The following FST variants were observed in gnomAD, a reference collection of about 807,000 sequenced individuals.
The protein encoded by FST is follistatin.
Under a neutral mutation model 38.4 loss-of-function variants are expected in FST, and 6 were observed. The observed-to-expected ratio is 0.16, with a 90% confidence interval of 0.09 to 0.31. The LOEUF (loss-of-function observed/expected upper bound fraction) is 0.31, where lower values mean the gene tolerates loss of function less well. Ranked by LOEUF, FST falls within the 10% of genes least tolerant of loss-of-function variation. The pLI is 1.00. For missense variants in FST, 301 were observed against 432.3 expected (o/e 0.70, Z 2.69); for synonymous variants, 157 against 169.8 (o/e 0.92, Z 0.59).
In FST at chr5:53,485,092, C is replaced by T. The variant is rs1561298989; in HGVS notation, c.817C>T (p.Leu273=). ...GRGRCSLCDE[L]CPDSKSDEPV... ...AGGCCGGTGTTCCCTCTGTGATGAGCTGTGCCCTGACAGTAAGTCGGATGA... is the reference window on the plus strand; with the variant it reads ...AGGCCGGTGTTCCCTCTGTGATGAGTTGTGCCCTGACAGTAAGTCGGATGA... Residue 273 remains leucine, a synonymous_variant, in exon 5 of 6, where the codon CTG becomes TTG. Transcript: ENST00000256759. 1 of 1,610,800 alleles carries T rather than the reference C, an allele frequency of 6.2e-7. No homozygotes were observed.
chr5:53,484,267 G>A lies in FST; in HGVS notation c.695G>A (p.Gly232Glu). 1 of 1,612,520 alleles carries A rather than the reference G, an allele frequency of 6.2e-7. No homozygotes were observed. The highest frequency in any genetic ancestry group is 1.1e-5 in the South Asian group (1 of 91,050). ...KATCLLGRSI[G>E]LAYEGKCIKA... ...ACCTGCCTGCTGGGCAGATCTATTG[G>A]ATTAGCCTATGAGGGAAAGTGTATC... Residue 232 changes from glycine to glutamate, a missense_variant, in exon 4 of 6, where the codon GGA becomes GAA. Gly to Glu is a moderately conservative substitution (Grantham distance 98). Transcript: ENST00000256759.
At chr5:53,484,044 A>T in intron 3 of FST, 25 bp from the exon 4 acceptor site, 1 of 1,600,708 alleles carries the variant, frequency 6.2e-7, no homozygotes, top group Non-Finnish European at 8.6e-7. Context: ...GTACCTATTC[A>T]TGTGTGTTTC....
At position 53,483,149 on chromosome 5, in the gene FST, G is replaced by A. The variant is rs1747344075; in HGVS notation, c.277+78G>A. ...TTAGCTTCCCCACTACCTGACTGGG[G>A]TTTGGGAGTAGGAGAGCTTTGTTCC... On this transcript the variant is annotated intron_variant, in intron 2 of 5. Coordinates refer to ENST00000256759, the MANE Select transcript of FST (RefSeq NM_013409.3). This position sits in a 1 kb window ranked among gnomAD's most constrained non-coding sequence, Gnocchi z 4.1. 1 of 983,404 alleles carries A rather than the reference G, an allele frequency of 1.0e-6. No homozygotes were observed. The highest frequency in any genetic ancestry group is 1.6e-6 in the Non-Finnish European group (1 of 632,178). The allele number at this position is 983,404 out of a possible 1,614,324, so 60.9% of individuals were successfully genotyped here.
Position 53,483,570 on chromosome 5 carries a change from G to T in FST, c.344G>T (p.Arg115Leu), listed in dbSNP as rs1177495235. ...CGAATGAACAAGAAGAACAAACCCC[G>T]CTGCGTCTGCGCCCCGGATTGTTCC... ...KCRMNKKNKP[R>L]CVCAPDCSNI... is the part of the protein sequence containing the mutation. Residue 115 changes from arginine (R) to leucine (L), a missense_variant, in exon 3 of 6, where the codon CGC becomes CTC. Arg to Leu is a moderately radical substitution (Grantham distance 102). Coordinates refer to ENST00000256759, the MANE Select transcript of FST (RefSeq NM_013409.3). This position sits in a 1 kb window ranked among gnomAD's most constrained non-coding sequence, Gnocchi z 4.1. 1 of 1,614,072 alleles carries T rather than the reference G, an allele frequency of 6.2e-7. No individual in the cohort carries two copies. The highest frequency in any genetic ancestry group is 8.5e-7 in the Non-Finnish European group (1 of 1,180,022).
intron 3 of FST, 47 bp from the exon 4 acceptor site, chr5:53,484,022 A>G (rs757869639): frequency 6.5e-7 from 1 of 1,543,104 alleles, no homozygotes; most frequent in Admixed American, 1.7e-5. Context: ...CTCACTCCCT[A>G]AGGACTAGAA....
In FST at chr5:53,485,590, T is replaced by G; in HGVS notation, c.953-361T>G. ...AACGACAGCTTCATATTATCACACA[T>G]GGGCTGCTGCTTTTTGCAGTTGCCT... On this transcript the variant is annotated intron_variant, in intron 5 of 5. Transcript: ENST00000256759. The G allele has an allele frequency of 1.0e-5, 8 of 789,646 alleles. No individual in the cohort carries two copies. In the South Asian group the frequency reaches 1.2e-4, roughly 12 times the overall value. 48.9% of individuals were successfully genotyped at this position (789,646 alleles called of 1,614,324 possible). A position where few individuals can be genotyped will look rare whatever the true frequency, so the allele number is the denominator to read the frequency against.
rs150963469 is a variant in FST at position 53,482,741 on chromosome 5, G to A, written c.86-139G>A. Reference sequence around the variant, plus strand: ...TCGATTTATTTCCTACTTTTCTCCCGCGTCTCTCTCACTTCCCCTCCTCCA... The same window carrying A: ...TCGATTTATTTCCTACTTTTCTCCCACGTCTCTCTCACTTCCCCTCCTCCA... On this transcript the variant is annotated intron_variant, in intron 1 of 5. Transcript: ENST00000256759. The A allele has an allele frequency of 4.6e-5, 24 of 517,072 alleles. No homozygotes were observed. In the East Asian group the frequency reaches 7.6e-4, roughly 16 times the overall value. 32.0% of individuals were successfully genotyped at this position (517,072 alleles called of 1,614,324 possible).
rs993702904 is a variant in FST at position 53,486,698 on chromosome 5, C to T, written c.*665C>T. The T allele has an allele frequency of 1.3e-5, 2 of 152,178 alleles. No homozygotes were observed. The highest frequency in any genetic ancestry group is 4.8e-5 in the African/African-American group (2 of 41,440). The allele number at this position is 152,178 out of a possible 1,614,324, so 9.4% of individuals were successfully genotyped here. On this transcript the variant is annotated 3_prime_UTR_variant, in exon 6 of 6. Transcript: ENST00000256759. ...AGCATCTTTGAGGAAACTCCTACTT[C>T]AGTTCTTTTGTTATGATGAAGACAT...
Position 53,483,820 on chromosome 5 carries a change from C to A in FST, c.496+98C>A. 1 of 844,074 alleles carries A rather than the reference C, an allele frequency of 1.2e-6. No individual in the cohort carries two copies. The highest frequency in any genetic ancestry group is 1.9e-6 in the Non-Finnish European group (1 of 524,006). The allele number at this position is 844,074 out of a possible 1,614,324, so 52.3% of individuals were successfully genotyped here. On this transcript the variant is annotated intron_variant, in intron 3 of 5. Coordinates refer to ENST00000256759, the MANE Select transcript of FST (RefSeq NM_013409.3). This position sits in a 1 kb window ranked among gnomAD's most constrained non-coding sequence, Gnocchi z 4.1. ...GAAGACCCTTGGGGGATGGTGTAGT[C>A]CGCAGTAAGAGCCTGATAATAGTAA... is the stretch of plus-strand genomic sequence containing the variant.
intron 1 of FST, among the ~76,000 whole-genome samples, chr5:53,481,486 A>AAAAAAAAAAAC (rs1747210196): frequency 6.9e-6 from 1 of 144,828 alleles, no homozygotes; most frequent in Non-Finnish European, 1.5e-5. Flanking sequence ...AAAAAAAAAA[A>AAAAAAAAAAAC]GCCAAATTAT....
Position 53,483,575 on chromosome 5 carries a change from G to C in FST, c.349G>C (p.Val117Leu). 3 of 1,614,212 alleles carry C rather than the reference G, an allele frequency of 1.9e-6. No homozygotes were observed. The highest frequency in any genetic ancestry group is 8.5e-7 in the Non-Finnish European group (1 of 1,180,014). Residue 117 changes from valine to leucine, a missense_variant, in exon 3 of 6, where the codon GTC becomes CTC. Transcript: ENST00000256759. This position sits in a 1 kb window ranked among gnomAD's most constrained non-coding sequence, Gnocchi z 4.1. Reference sequence around the variant, plus strand: ...GAACAAGAAGAACAAACCCCGCTGCGTCTGCGCCCCGGATTGTTCCAACAT... The same window carrying C: ...GAACAAGAAGAACAAACCCCGCTGCCTCTGCGCCCCGGATTGTTCCAACAT... ...RMNKKNKPRC[V>L]CAPDCSNITW... is the part of the protein sequence containing the mutation.
Position 53,486,065 on chromosome 5 carries a change from C to CT in FST, c.*35dup, listed in dbSNP as rs1256240897. 9.8e-6 allele frequency: 5 copies of CT among 507,980 alleles called. No homozygotes were observed. The highest frequency in any genetic ancestry group is 1.6e-5 in the Non-Finnish European group (5 of 304,268). The allele number at this position is 507,980 out of a possible 1,614,324, so 31.5% of individuals were successfully genotyped here. On this transcript the variant is annotated 3_prime_UTR_variant, in exon 6 of 6. Coordinates refer to ENST00000256759, the MANE Select transcript of FST (RefSeq NM_013409.3). ...TATAAGTGTTCAGTGTTGACATAGC[C>CT]TTTGTGCAAAAAAAAAAAAAAAAAA...
chr5:53,485,746 C>G, intron 5 of FST: 1 of 1,602,376 alleles, frequency 6.2e-7, no homozygotes, highest in Non-Finnish European at 8.5e-7. Flanking sequence ...TTTTTGACTT[C>G]ATAGATTATG....
At chr5:53,482,552 A>C in intron 1 of FST, 1 of 370,782 alleles carries the variant, frequency 2.7e-6, no homozygotes, top group Non-Finnish European at 4.8e-6. Flanking sequence ...AGTAAAAGTC[A>C]ATGCAAGCTG....
rs551392710 is a variant in FST at position 53,480,836 on chromosome 5, G to C, written c.45G>C (p.Leu15=). ...AGCCGGGTGGGCTTTGCCTCCTGCT[G>C]CTGCTGCTCTGCCAGTTCATGGAGG... ...RHQPGGLCLL[L]LLLCQFMEDR... Residue 15 remains leucine (L), a synonymous_variant, in exon 1 of 6, where the codon CTG becomes CTC. Coordinates refer to ENST00000256759, the MANE Select transcript of FST (RefSeq NM_013409.3). The C allele has an allele frequency of 1.3e-6, 2 of 1,534,002 alleles. No individual in the cohort carries two copies. The highest frequency in any genetic ancestry group is 2.8e-5 in the African/African-American group (2 of 71,918).
chr5:53,485,153 G>C lies in FST; in HGVS notation c.878G>C (p.Ser293Thr). 1 of 1,613,626 alleles carries C rather than the reference G, an allele frequency of 6.2e-7. No homozygotes were observed. The highest frequency in any genetic ancestry group is 8.5e-7 in the Non-Finnish European group (1 of 1,179,554). The change falls in exon 5 of 6, where the codon AGC becomes ACC. Residue 293 changes from serine to threonine, a missense_variant. By Grantham distance (58) the Ser-to-Thr change is moderately conservative. Transcript: ENST00000256759. ...VCASDNATYA[S>T]ECAMKEAACS... The stretch of plus-strand genomic sequence containing the variant: ...GCCAGTGACAATGCCACTTATGCCA[G>C]CGAGTGTGCCATGAAGGAAGCTGCC...
chr5:53,485,805 CA>C, intron 5 of FST, 145 bp from the exon 6 acceptor site: 1 of 1,589,562 alleles, frequency 6.3e-7, no homozygotes, highest in Admixed American at 1.9e-5. Flanking sequence ...ATGCCAAAAA[CA>C]AAAAAAGCAT....
In FST at chr5:53,486,975, C is replaced by T. The variant is rs1747581322; in HGVS notation, c.*942C>T. ...CTTTTCATAATACTTTTTTCTGATG[C>T]AATTTTATATTTTCAAACATGGCAA... On this transcript the variant is annotated 3_prime_UTR_variant, in exon 6 of 6. Transcript: ENST00000256759. 1.3e-5 allele frequency: 2 copies of T among 152,020 alleles called. No homozygotes were observed. The highest frequency in any genetic ancestry group is 4.8e-5 in the African/African-American group (2 of 41,380). 9.4% of individuals were successfully genotyped at this position (152,020 alleles called of 1,614,324 possible). A position where few individuals can be genotyped will look rare whatever the true frequency, so the allele number is the denominator to read the frequency against.
chr5:53,483,777 C>A lies in FST; in HGVS notation c.496+55C>A. The A allele has an allele frequency of 1.5e-6, 2 of 1,323,852 alleles. No individual in the cohort carries two copies. The highest frequency in any genetic ancestry group is 2.2e-6 in the Non-Finnish European group (2 of 923,434). The allele number at this position is 1,323,852 out of a possible 1,614,324, so 82.0% of individuals were successfully genotyped here. A position where few individuals can be genotyped will look rare whatever the true frequency, so the allele number is the denominator to read the frequency against. Reference sequence around the variant, plus strand: ...ATCTGTCCCCTCCTCCAGCTTTGTACCTAAAGTAGACCCTCTAGAAGACCC... The same window carrying A: ...ATCTGTCCCCTCCTCCAGCTTTGTAACTAAAGTAGACCCTCTAGAAGACCC... On this transcript the variant is annotated intron_variant, in intron 3 of 5. Coordinates refer to ENST00000256759, the MANE Select transcript of FST (RefSeq NM_013409.3). The surrounding 1 kb of genome is among the most constrained non-coding windows in gnomAD (Gnocchi z 4.1).
Sources: gnomAD v4.1 joint callset for allele counts (sites outside exome capture counted in the v4.1 genomes callset) on GRCh38, gnomAD v4.1.1 for gene constraint, Gnocchi (gnomAD v3.1) non-coding constraint, MANE v1.5 for transcripts, NCBI Gene and HGNC (gene_info 2026-07-23, HGNC 2026-07-21) for gene names.